The following TTC39A variants were observed in gnomAD, a reference collection of about 807,000 sequenced individuals.
TTC39A encodes tetratricopeptide repeat protein 39A.
In TTC39A, 46 loss-of-function variants were observed where a neutral mutation model predicts 82.3. That is an observed-to-expected ratio of 0.56 (90% CI 0.44 to 0.71). The LOEUF is 0.71. Among genes scored for constraint, TTC39A ranks in the 30% least tolerant of loss-of-function variants. The pLI is 0.00. For missense variants in TTC39A, 543 were observed against 712.9 expected, an observed-to-expected ratio of 0.76 and a Z score of 2.71; for synonymous variants, 254 against 275.2, an observed-to-expected ratio of 0.92 and a Z score of 0.76.
intron 16 of TTC39A, among the ~76,000 whole-genome samples, chr1:51,289,281 T>C (rs143461356): frequency 6.6e-6 from 1 of 152,342 alleles, no homozygotes; most frequent in East Asian, 1.9e-4. Flanking sequence ...GATATCCTTT[T>C]AAACCCCAAG....
At chr1:51,302,448 T>C (rs1644708389) in intron 10 of TTC39A, 32 bp from the exon 11 acceptor site, 6 of 1,606,762 alleles carry the variant, frequency 3.7e-6, no homozygotes, top group Non-Finnish European at 3.4e-6. Context: ...TCCGTGTGGG[T>C]CCGTGGGGTC....
intron 14 of TTC39A, among the ~76,000 whole-genome samples, chr1:51,291,835 G>A (rs1644236245): frequency 1.3e-5 from 2 of 151,214 alleles, no homozygotes; most frequent in Non-Finnish European, 3.0e-5. Context: ...TTTTCACCAT[G>A]TCTTTGTCAG....
At chr1:51,322,013 A>G (rs1392848389) in intron 1 of TTC39A, 188 bp from the exon 2 acceptor site, 10 of 1,467,052 alleles carry the variant, frequency 6.8e-6, no homozygotes, top group Non-Finnish European at 9.2e-6. Context: ...TGGTGTTCCC[A>G]AGGGTGGGAG....
intron 1 of TTC39A, among the ~76,000 whole-genome samples, chr1:51,338,966 A>G (rs1028869969): frequency 1.1e-4 from 16 of 152,150 alleles, no homozygotes; most frequent in Admixed American, 8.5e-4. Flanking sequence ...ACACCTTTCA[A>G]TCACCCAGAT....
At chr1:51,334,654 C>CA (rs111521308), upstream of TTC39A, 1,060 of 123,630 alleles carry the variant, frequency 8.6e-3, 11 homozygotes, top group African/African-American at 0.027. Flanking sequence ...GACCCTGTCT[C>CA]AAAAAAAAAA....
chr1:51,311,365 G>C (rs1645076212), intron 4 of TTC39A, 44 bp from the exon 5 acceptor site: 1 of 1,525,324 alleles, frequency 6.6e-7, no homozygotes, highest in African/African-American at 1.4e-5. Context: ...TGGGACTCTA[G>C]TCAGGAGGCC....
At chr1:51,290,777 G>A (rs1162648137) in intron 14 of TTC39A, among the ~76,000 whole-genome samples, 152 bp from the exon 15 acceptor site, 1 of 152,228 alleles carries the variant, frequency 6.6e-6, no homozygotes, top group East Asian at 1.9e-4. Context: ...CTGTGAAGCT[G>A]TGGGTCTGAG....
chr1:51,337,550 C>T (rs1645990126), intron 1 of TTC39A, among the ~76,000 whole-genome samples: 1 of 151,794 alleles, frequency 6.6e-6, no homozygotes, highest in African/African-American at 2.4e-5. Flanking sequence ...CCTCAGCCTC[C>T]CAAGTAGCTG....
At position 51,302,485 on chromosome 1, in the gene TTC39A, C is replaced by T. The variant is rs543398064; in HGVS notation, c.831+21G>A. ...GTGGGTGTTTGTGGGCTGGGGGTAC[C>T]GGGCAGCACATGGGGCTCACCTTAG... On this transcript the variant is annotated intron_variant, in intron 10 of 17. Transcript: ENST00000680483. 149 of 1,608,040 alleles carry T rather than the reference C, an allele frequency of 9.3e-5. 2 individuals carry two copies. The South Asian group carries it at 1.4e-3, about 15-fold the overall frequency.
chr1:51,299,134 T>C (rs1212931585), intron 12 of TTC39A: 1 of 152,160 alleles, frequency 6.6e-6, no homozygotes, highest in African/African-American at 2.4e-5. Flanking sequence ...TCTAGATAAG[T>C]TGGTTTACTT....
Position 51,290,571 on chromosome 1 carries a change from T to C in TTC39A, c.1321A>G (p.Thr441Ala). 1 of 1,613,612 alleles carries C rather than the reference T, an allele frequency of 6.2e-7. No individual in the cohort carries two copies. The highest frequency in any genetic ancestry group is 8.5e-7 in the Non-Finnish European group (1 of 1,179,556). ...GTGATAATCTCAAGTATCCCATCCG[T>C]GAGTTTCGGCTGCTTCCCAATCACG... is the stretch of plus-strand genomic sequence containing the variant. ...YAVIGKQPKLTDGILEIITKA... is the reference protein window; with the variant it reads ...YAVIGKQPKLADGILEIITKA... The change falls in exon 15 of 18, where the codon ACG becomes GCG. Residue 441 changes from threonine to alanine, a missense_variant. Thr to Ala is a moderately conservative substitution (Grantham distance 58). Transcript: ENST00000680483.
upstream of TTC39A, among the ~76,000 whole-genome samples, chr1:51,335,890 T>C (rs898054934): frequency 1.3e-5 from 2 of 152,082 alleles, no homozygotes; most frequent in African/African-American, 4.8e-5. Context: ...AGTTTTCCCA[T>C]CTATAAACCT....
chr1:51,297,521 G>C (rs561994209), intron 12 of TTC39A: 1 of 152,380 alleles, frequency 6.6e-6, no homozygotes, highest in African/African-American at 2.4e-5. Flanking sequence ...GTCTGGCCCC[G>C]GTCCCATCTT....
At chr1:51,330,634 C>T (rs942770259), upstream of TTC39A, 7 of 983,328 alleles carry the variant, frequency 7.1e-6, no homozygotes, top group East Asian at 2.3e-4. This position sits in a 1 kb window ranked among gnomAD's most constrained non-coding sequence, Gnocchi z 4.5. Context: ...GGCCGAGCCT[C>T]GGTCTCCCCA....
intron 14 of TTC39A, among the ~76,000 whole-genome samples, chr1:51,293,193 G>A (rs1233074426): frequency 1.3e-5 from 2 of 150,814 alleles, no homozygotes; most frequent in African/African-American, 2.4e-5. Flanking sequence ...TCAGCCTCCC[G>A]AGTAACTGGG....
At chr1:51,310,080 C>T (rs560289477) in intron 5 of TTC39A, among the ~76,000 whole-genome samples, 3 of 151,932 alleles carry the variant, frequency 2.0e-5, no homozygotes, top group South Asian at 2.1e-4. Flanking sequence ...GCCTGGCCAA[C>T]GTGGTGAAAC....
chr1:51,303,916 A>C (rs559825722), intron 8 of TTC39A, among the ~76,000 whole-genome samples: 1 of 152,306 alleles, frequency 6.6e-6, no homozygotes, highest in East Asian at 1.9e-4. Flanking sequence ...ACTGAAAGAG[A>C]CCTTCACAGC....
intron 1 of TTC39A, among the ~76,000 whole-genome samples, chr1:51,322,674 A>G (rs888789254): frequency 1.3e-5 from 2 of 152,198 alleles, no homozygotes; most frequent in African/African-American, 4.8e-5. Flanking sequence ...TTTCCCATAT[A>G]AAAATGAGAG....
intron 2 of TTC39A, among the ~76,000 whole-genome samples, chr1:51,320,119 G>A (rs2148270494): frequency 6.6e-6 from 1 of 152,264 alleles, no homozygotes; most frequent in Non-Finnish European, 1.5e-5. Flanking sequence ...CAGAAGACAT[G>A]TCTGTCCTCC....
Sources: gnomAD v4.1 joint callset for allele counts (sites outside exome capture counted in the v4.1 genomes callset) on GRCh38, gnomAD v4.1.1 for gene constraint, Gnocchi (gnomAD v3.1) non-coding constraint, MANE v1.5 for transcripts, NCBI Gene and HGNC (gene_info 2026-07-23, HGNC 2026-07-21) for gene names.